The following GABPB1 variants were observed in gnomAD, a reference collection of about 807,000 sequenced individuals.
The protein encoded by GABPB1 is GA-binding protein subunit beta-1.
In GABPB1, 15 loss-of-function variants were observed where a neutral mutation model predicts 45.9. The ratio of observed to expected loss-of-function variants is 0.33; its 90% CI spans 0.22 to 0.50. The LOEUF (loss-of-function observed/expected upper bound fraction) is 0.50, where lower values mean the gene tolerates loss of function less well. Ranked by LOEUF, GABPB1 falls within the 20% of genes least tolerant of loss-of-function variation. The pLI, the probability that GABPB1 is intolerant of heterozygous loss-of-function variation, is 0.98. For synonymous variants in GABPB1, 143 were observed against 154.4 expected (o/e 0.93, Z 0.55); for missense variants, 252 against 457.5 (o/e 0.55, Z 4.10).
At chr15:50,316,846 T>C (rs1218153941) in intron 1 of GABPB1, among the ~76,000 whole-genome samples, 1 of 152,156 alleles carries the variant, frequency 6.6e-6, no homozygotes, top group Non-Finnish European at 1.5e-5. Context: ...TAGACAGTCA[T>C]ATAATAAACT....
intron 1 of GABPB1, among the ~76,000 whole-genome samples, chr15:50,315,711 G>C (rs555303751): frequency 6.6e-6 from 1 of 152,208 alleles, no homozygotes; most frequent in African/African-American, 2.4e-5. Flanking sequence ...GTTGTAATAA[G>C]ACAACTACAT....
chr15:50,318,842 A>T (rs909860217), intron 1 of GABPB1, among the ~76,000 whole-genome samples: 3 of 152,248 alleles, frequency 2.0e-5, no homozygotes, highest in African/African-American at 7.2e-5. Flanking sequence ...AAACTATACC[A>T]TAAAGGTATA....
intron 1 of GABPB1, among the ~76,000 whole-genome samples, chr15:50,337,333 C>CTGTAATAT (rs1194603330): frequency 2.0e-5 from 3 of 151,500 alleles, no homozygotes; most frequent in Admixed American, 1.3e-4. Context: ...TTATGAGATT[C>CTGTAATAT]TGTAATATTA....
Position 50,305,440 on chromosome 15 carries a change from C to A in GABPB1, c.109-1307G>T, listed in dbSNP as rs537537665. On this transcript the variant is annotated intron_variant, in intron 2 of 8. Transcript: ENST00000380877. ...AATTATCACACACTACAGCTTTGAA[C>A]TGCTGGGCTCAAGCAATCTGTCCAC... Among the ~76,000 whole-genome samples, 22 of 152,296 alleles carry A rather than the reference C, an allele frequency of 1.4e-4. No individual in the cohort carries two copies. The East Asian group carries it at 2.7e-3, about 19-fold the overall frequency.
chr15:50,339,081 T>A (rs1463789071), intron 1 of GABPB1, among the ~76,000 whole-genome samples: 1 of 152,160 alleles, frequency 6.6e-6, no homozygotes, highest in Non-Finnish European at 1.5e-5. Context: ...GACGGGCAGA[T>A]CACTCAGGTG....
At chr15:50,309,108 G>A (rs2047043563) in intron 2 of GABPB1, among the ~76,000 whole-genome samples, 1 of 152,060 alleles carries the variant, frequency 6.6e-6, no homozygotes, top group Non-Finnish European at 1.5e-5. Context: ...TTACCAATGG[G>A]CAGGTTAATT....
At chr15:50,279,642 A>T (rs2045914335) in intron 8 of GABPB1, among the ~76,000 whole-genome samples, 1 of 152,190 alleles carries the variant, frequency 6.6e-6, no homozygotes. Context: ...CAACGAACCC[A>T]TTCCCACACC....
chr15:50,346,086 T>G (rs1294805924), intron 1 of GABPB1, among the ~76,000 whole-genome samples: 2 of 152,104 alleles, frequency 1.3e-5, no homozygotes, highest in African/African-American at 4.8e-5. Flanking sequence ...AGAGGTAAAG[T>G]TAACTGTGGC....
At chr15:50,317,392 A>G (rs1269045700) in intron 1 of GABPB1, among the ~76,000 whole-genome samples, 5 of 147,622 alleles carry the variant, frequency 3.4e-5, no homozygotes, top group African/African-American at 1.3e-4. Flanking sequence ...CAACAAGAGC[A>G]AAACTCCGTC....
chr15:50,349,151 T>A (rs572459242), intron 1 of GABPB1: 17 of 152,304 alleles, frequency 1.1e-4, no homozygotes, highest in Non-Finnish European at 2.5e-4. Context: ...CTATTTACAG[T>A]CTTTATCCTA....
At chr15:50,300,347 T>C (rs2046683264) in intron 6 of GABPB1, among the ~76,000 whole-genome samples, 1 of 151,920 alleles carries the variant, frequency 6.6e-6, no homozygotes, top group Admixed American at 6.6e-5. Context: ...TGCCCCATTC[T>C]TCAGCCGGGT....
At chr15:50,342,574 T>C (rs1404447298) in intron 1 of GABPB1, among the ~76,000 whole-genome samples, 1 of 152,186 alleles carries the variant, frequency 6.6e-6, no homozygotes, top group Non-Finnish European at 1.5e-5. Flanking sequence ...TGTAGTTCAG[T>C]GTTTTGTTTA....
At chr15:50,287,822 A>G (rs895411686) in intron 7 of GABPB1, among the ~76,000 whole-genome samples, 1 of 152,218 alleles carries the variant, frequency 6.6e-6, no homozygotes, top group South Asian at 2.1e-4. Context: ...ACCAGCTATC[A>G]GCAGAAGATT....
At chr15:50,340,412 G>A (rs995817548) in intron 1 of GABPB1, among the ~76,000 whole-genome samples, 2 of 152,096 alleles carry the variant, frequency 1.3e-5, no homozygotes, top group Admixed American at 1.3e-4. Flanking sequence ...ACACAGAAAT[G>A]TATACATTGA....
intron 1 of GABPB1, among the ~76,000 whole-genome samples, chr15:50,338,528 T>C (rs747072028): frequency 6.6e-6 from 1 of 152,100 alleles, no homozygotes; most frequent in Non-Finnish European, 1.5e-5. Flanking sequence ...GGCTGGAGTG[T>C]AGTGGTGCAA....
chr15:50,355,063 G>A lies in GABPB1; in HGVS notation c.-79C>T. 1 of 155,328 alleles carries A rather than the reference G, an allele frequency of 6.4e-6. No individual in the cohort carries two copies. The allele number at this position is 155,328 out of a possible 1,614,324, so 9.6% of individuals were successfully genotyped here. ...CCCGAGGCGCCTCGTACCCGGCCGGGCTGACGCGGCCCCGCTACACACAAA... is the reference window on the plus strand; with the variant it reads ...CCCGAGGCGCCTCGTACCCGGCCGGACTGACGCGGCCCCGCTACACACAAA... On this transcript the variant is annotated 5_prime_UTR_variant, in exon 1 of 9. Transcript: ENST00000380877.
intron 6 of GABPB1, among the ~76,000 whole-genome samples, chr15:50,300,530 C>A (rs1318789030): frequency 6.7e-6 from 1 of 148,848 alleles, no homozygotes; most frequent in Non-Finnish European, 1.5e-5. Flanking sequence ...GCAGCCTTCA[C>A]CTCCCGGGTT....
chr15:50,353,894 A>G (rs1567561037), intron 1 of GABPB1: 1 of 154,096 alleles, frequency 6.5e-6, no homozygotes, highest in Admixed American at 6.5e-5. Flanking sequence ...TGAGAGAGCA[A>G]AACAGTCCGG....
At position 50,276,773 on chromosome 15, in the gene GABPB1, T is replaced by C. The variant is rs943406651; in HGVS notation, c.*1859A>G. ...TCTGCTCCAGCACCACATGTCAGGG[T>C]ACCTGGCTGTGGTACCAGCACCCTG... On this transcript the variant is annotated 3_prime_UTR_variant, in exon 9 of 9. Coordinates refer to ENST00000380877, the MANE Select transcript of GABPB1 (RefSeq NM_016654.5). 6.6e-6 allele frequency: 1 copy of C among 152,192 alleles called. No homozygotes were observed. The highest frequency in any genetic ancestry group is 2.4e-5 in the African/African-American group (1 of 41,438). The allele number at this position is 152,192 out of a possible 1,614,324, so 9.4% of individuals were successfully genotyped here.
Sources: allele counts gnomAD v4.1 joint callset (sites outside exome capture counted in the v4.1 genomes callset), GRCh38; gene constraint gnomAD v4.1.1; transcripts MANE v1.5; gene names NCBI Gene and HGNC (gene_info 2026-07-23, HGNC 2026-07-21).